The following PSMD1 variants were observed in gnomAD, a reference collection of about 807,000 sequenced individuals.
PSMD1 encodes the protein 26S proteasome non-ATPase regulatory subunit 1.
A neutral mutation model predicts 119.0 loss-of-function variants in PSMD1; 18 were observed. The observed-to-expected ratio is 0.15, with a 90% CI of 0.10 to 0.22. The LOEUF (loss-of-function observed/expected upper bound fraction) is 0.22, where lower values mean the gene tolerates loss of function less well. Among genes scored for constraint, PSMD1 ranks in the 10% least tolerant of loss-of-function variants. The probability of loss-of-function intolerance (pLI) is 1.00; values close to 1 mark genes in which losing one functional copy is unlikely to be tolerated. For missense variants in PSMD1, 702 were observed against 1,158.5 expected (o/e 0.61, Z 5.72); for synonymous variants, 374 against 396.6 (o/e 0.94, Z 0.68).
chr2:231,069,416 C>T (rs893581363), intron 5 of PSMD1, among the ~76,000 whole-genome samples: 4 of 152,142 alleles, frequency 2.6e-5, no homozygotes, highest in Admixed American at 1.3e-4. Flanking sequence ...GAGAAACACT[C>T]CTGTAGCTTT....
At chr2:231,086,689 A>G (rs938761903) in intron 15 of PSMD1, among the ~76,000 whole-genome samples, 1 of 152,110 alleles carries the variant, frequency 6.6e-6, no homozygotes, top group African/African-American at 2.4e-5. Flanking sequence ...GTAACCCTGA[A>G]TCTTAAACTT....
chr2:231,108,494 T>C (rs752384160), intron 16 of PSMD1: 1 of 1,578,344 alleles, frequency 6.3e-7, no homozygotes, highest in South Asian at 1.1e-5. Context: ...CATCATTATG[T>C]TTGATGACAA....
intron 9 of PSMD1, 84 bp downstream of exon 9, chr2:231,077,246 G>C (rs1694190566): frequency 1.0e-6 from 1 of 1,004,854 alleles, no homozygotes; most frequent in Non-Finnish European, 1.4e-6. Flanking sequence ...TTTCTTGTTG[G>C]ATACTTTCTT....
chr2:231,075,473 T>C, intron 7 of PSMD1, 38 bp from the exon 8 acceptor site: 1 of 1,592,860 alleles, frequency 6.3e-7, no homozygotes, highest in Non-Finnish European at 8.6e-7. Flanking sequence ...CAAATTGTAC[T>C]TCTCTTCAGA....
At chr2:231,082,848 G>T (rs766153285) in intron 12 of PSMD1, 35 bp from the exon 13 acceptor site, 1 of 1,481,972 alleles carries the variant, frequency 6.7e-7, no homozygotes, top group Admixed American at 1.7e-5. Flanking sequence ...TAAGTACAGT[G>T]TACCAAATCA....
At chr2:231,140,278 G>C (rs905621839) in intron 17 of PSMD1, among the ~76,000 whole-genome samples, 2 of 150,140 alleles carry the variant, frequency 1.3e-5, no homozygotes, top group South Asian at 4.2e-4. Flanking sequence ...GGCAGATCAC[G>C]AGGTCAGGAG....
At position 231,092,646 on chromosome 2, in the gene PSMD1, T is replaced by A. The variant is rs190413446; in HGVS notation, c.1883+5465T>A. 2.0e-5 allele frequency among the ~76,000 whole-genome samples: 3 copies of A among 152,262 alleles called. No individual in the cohort carries two copies. In the East Asian group the frequency reaches 5.8e-4, roughly 29 times the overall value. On this transcript the variant is annotated intron_variant, in intron 16 of 24. Coordinates refer to ENST00000308696, the MANE Select transcript of PSMD1 (RefSeq NM_002807.4). Reference sequence around the variant, plus strand: ...ATTGATGCCACGATGGATGAGGACATCAGTATGGTTGCTCTGCAAGTGTCA... The same window carrying A: ...ATTGATGCCACGATGGATGAGGACAACAGTATGGTTGCTCTGCAAGTGTCA...
intron 16 of PSMD1, chr2:231,123,840 T>C: frequency 8.7e-7 from 1 of 1,150,300 alleles, no homozygotes; most frequent in African/African-American, 1.5e-5. Flanking sequence ...TCATCTGTTT[T>C]TTTAAGGCAT....
chr2:231,119,637 G>A (rs760847356), intron 16 of PSMD1, among the ~76,000 whole-genome samples: 4 of 152,014 alleles, frequency 2.6e-5, no homozygotes, highest in Non-Finnish European at 5.9e-5. Flanking sequence ...TTGGGAGGCC[G>A]AGGCAGGTGG....
At chr2:231,065,777 C>T (rs1302723617) in intron 4 of PSMD1, among the ~76,000 whole-genome samples, 2 of 152,178 alleles carry the variant, frequency 1.3e-5, no homozygotes, top group African/African-American at 4.8e-5. Context: ...CTCCATGCAC[C>T]CAAATCATTG....
intron 14 of PSMD1, among the ~76,000 whole-genome samples, chr2:231,083,989 C>G (rs531219100): frequency 6.6e-6 from 1 of 152,110 alleles, no homozygotes; most frequent in African/African-American, 2.4e-5. Context: ...AGCTTCAGAT[C>G]GGTGATACTC....
intron 6 of PSMD1, 95 bp downstream of exon 6, chr2:231,070,263 G>T: frequency 3.9e-6 from 4 of 1,028,002 alleles, no homozygotes; most frequent in Non-Finnish European, 5.0e-6. Flanking sequence ...TTACTATAAT[G>T]GCTTTATACA....
At chr2:231,124,412 A>G (rs957277272) in intron 16 of PSMD1, among the ~76,000 whole-genome samples, 4 of 152,172 alleles carry the variant, frequency 2.6e-5, no homozygotes, top group Non-Finnish European at 5.9e-5. Flanking sequence ...ACAATAGTTC[A>G]GAATAGAACT....
Position 231,066,930 on chromosome 2 carries a change from A to G in PSMD1, c.329A>G (p.Lys110Arg). 1 of 1,611,240 alleles carries G rather than the reference A, an allele frequency of 6.2e-7. No homozygotes were observed. Among genetic ancestry groups the G allele is most frequent in the Non-Finnish European group, 8.5e-7 (1 of 1,178,688 alleles). Residue 110 changes from lysine (K) to arginine (R), a missense_variant, in exon 5 of 25, where the codon AAA becomes AGA. By Grantham distance (26) the Lys-to-Arg change is conservative. Around this residue, in one of 9 missense-constraint regions of PSMD1, gnomAD observed 50 missense variants for 41.8 expected, o/e 1.20. Transcript: ENST00000308696. ...GCAAAATGCATTGATCACTACACCA[A>G]ACAATGTGTGGAAAATGCAGATTTG... is the stretch of plus-strand genomic sequence containing the variant. ...IIAKCIDHYT[K>R]QCVENADLPE...
In PSMD1 at chr2:231,131,579, G is replaced by A. The variant is rs1334000477; in HGVS notation, c.1884-7157G>A. ...AGATCGAGACCATCCCGGCTAAAAC[G>A]GTGAAACCCCGTCTCTACTAAAAAT... On this transcript the variant is annotated intron_variant, in intron 16 of 24. Coordinates refer to ENST00000308696, the MANE Select transcript of PSMD1 (RefSeq NM_002807.4). 1.2e-4 allele frequency among the ~76,000 whole-genome samples: 12 copies of A among 97,466 alleles called. 1 individual carries two copies. The highest frequency in any genetic ancestry group is 7.8e-4 in the Admixed American group (9 of 11,558). The allele number at this position is 97,466 out of a possible 152,430, so 63.9% of individuals were successfully genotyped here.
intron 16 of PSMD1, among the ~76,000 whole-genome samples, chr2:231,096,547 G>A (rs900437222): frequency 1.3e-5 from 2 of 152,158 alleles, no homozygotes; most frequent in Admixed American, 6.5e-5. Context: ...TACCTTCTTC[G>A]GGGAACCACG....
chr2:231,072,204 G>A lies in PSMD1; in HGVS notation c.670G>A (p.Asp224Asn), dbSNP rs1252047881. The part of the protein sequence containing the change: ...INVCQCLIFL[D>N]DPQAVSDILE... Reference sequence around the variant, plus strand: ...TCCATTTCAGTGCTTAATTTTCTTAGATGATCCTCAGGCTGTGAGTGATAT... The same window carrying A: ...TCCATTTCAGTGCTTAATTTTCTTAAATGATCCTCAGGCTGTGAGTGATAT... The change falls in exon 7 of 25, where the codon GAT becomes AAT. Residue 224 changes from aspartate (D) to asparagine (N), a missense_variant. Transcript: ENST00000308696. 2 of 1,612,082 alleles carry A rather than the reference G, an allele frequency of 1.2e-6. No individual in the cohort carries two copies. The highest frequency in any genetic ancestry group is 1.1e-5 in the South Asian group (1 of 90,974).
chr2:231,092,394 T>C (rs1694618028), intron 16 of PSMD1, among the ~76,000 whole-genome samples: 1 of 152,062 alleles, frequency 6.6e-6, no homozygotes, highest in South Asian at 2.1e-4. Flanking sequence ...AACATATGGA[T>C]GGGTAGTGCA....
In PSMD1 at chr2:231,170,835, C is replaced by T; in HGVS notation, c.*9+114C>T. ...TCCTTTTGTGTTTAATCCTTATTTACCTAAACAGTATTAAAACTTCCCCGT... is the reference window on the plus strand; with the variant it reads ...TCCTTTTGTGTTTAATCCTTATTTATCTAAACAGTATTAAAACTTCCCCGT... On this transcript the variant is annotated intron_variant, in intron 24 of 24. Transcript: ENST00000308696. The surrounding 1 kb of genome is among the most constrained non-coding windows in gnomAD (Gnocchi z 4.1). The T allele has an allele frequency of 8.6e-7, 1 of 1,164,416 alleles. No individual in the cohort carries two copies. Among genetic ancestry groups the T allele is most frequent in the East Asian group, 2.6e-5 (1 of 37,772 alleles). The allele number at this position is 1,164,416 out of a possible 1,614,324, so 72.1% of individuals were successfully genotyped here. A position where few individuals can be genotyped will look rare whatever the true frequency, so the allele number is the denominator to read the frequency against.
Sources: gnomAD v4.1 joint callset for allele counts (sites outside exome capture counted in the v4.1 genomes callset) on GRCh38, gnomAD v4.1.1 for gene constraint, gnomAD v4.1.1 regional missense constraint, Gnocchi (gnomAD v3.1) non-coding constraint, MANE v1.5 for transcripts, NCBI Gene and HGNC (gene_info 2026-07-23, HGNC 2026-07-21) for gene names.